Variants in SUSD3 observed in about 807,000 individuals in gnomAD.
SUSD3 encodes the protein sushi domain-containing protein 3.
A neutral mutation model predicts 20.6 loss-of-function variants in SUSD3; 18 were observed. The observed-to-expected ratio is 0.87, with a 90% confidence interval of 0.60 to 1.30. The LOEUF is 1.30. SUSD3 is among the 50% of genes most tolerant of loss of function. The pLI is 0.00. For synonymous variants in SUSD3, 137 were observed against 141.5 expected (o/e 0.97, Z 0.23); for missense variants, 306 against 346.9 (o/e 0.88, Z 0.94).
At chr9:93,084,420 C>T in intron 4 of SUSD3, 117 bp from the exon 5 acceptor site, 1 of 929,370 alleles carries the variant, frequency 1.1e-6, no homozygotes, top group Non-Finnish European at 1.6e-6. Flanking sequence ...CTCCCCAGTG[C>T]TCAGGGCAGC....
At chr9:93,072,696 C>G (rs1315491514) in intron 1 of SUSD3, among the ~76,000 whole-genome samples, 1 of 152,184 alleles carries the variant, frequency 6.6e-6, no homozygotes, top group East Asian at 1.9e-4. Flanking sequence ...CGTGACTGCT[C>G]CTGGGCAGAT....
chr9:93,084,480 T>G, intron 4 of SUSD3, 57 bp from the exon 5 acceptor site: 1 of 1,461,854 alleles, frequency 6.8e-7, no homozygotes. Context: ...AGGTATGGAG[T>G]TGGGGATTAA....
At chr9:93,073,709 G>A (rs984333077) in intron 1 of SUSD3, among the ~76,000 whole-genome samples, 1 of 152,182 alleles carries the variant, frequency 6.6e-6, no homozygotes, top group Non-Finnish European at 1.5e-5. Flanking sequence ...GAACCCCAGA[G>A]ACAACTCAGA....
intron 3 of SUSD3, 122 bp downstream of exon 3, chr9:93,078,115 A>G (rs771522626): frequency 5.7e-5 from 77 of 1,350,258 alleles, no homozygotes; most frequent in Non-Finnish European, 7.7e-5. Flanking sequence ...CGTTCCTACC[A>G]CTGCTGCTCT....
At chr9:93,061,168 C>T (rs1307683322) in intron 1 of SUSD3, among the ~76,000 whole-genome samples, 1 of 152,220 alleles carries the variant, frequency 6.6e-6, no homozygotes, top group African/African-American at 2.4e-5. Context: ...TGTAGGTAAC[C>T]CCCCTGGCAT....
At chr9:93,067,366 A>C (rs983827143) in intron 1 of SUSD3, among the ~76,000 whole-genome samples, 1 of 152,212 alleles carries the variant, frequency 6.6e-6, no homozygotes, top group Non-Finnish European at 1.5e-5. Context: ...GGCCATTACA[A>C]ATAATGCTGC....
chr9:93,075,648 A>G (rs73651356), intron 1 of SUSD3, 136 bp from the exon 2 acceptor site: 18,718 of 642,682 alleles, frequency 0.029, 491 homozygotes, highest in African/African-American at 0.099. Flanking sequence ...AGAGCATCCA[A>G]TGGCCTTTGG....
chr9:93,079,708 C>T (rs1826331548), intron 4 of SUSD3, 106 bp downstream of exon 4: 6 of 1,228,986 alleles, frequency 4.9e-6, no homozygotes, highest in Non-Finnish European at 6.8e-6. Flanking sequence ...GCTGCTCCCA[C>T]ACGCCTAGCC....
intron 3 of SUSD3, 145 bp from the exon 4 acceptor site, chr9:93,079,326 A>G (rs1826304751): frequency 1.2e-6 from 1 of 852,388 alleles, no homozygotes; most frequent in African/African-American, 1.7e-5. Flanking sequence ...CCACACCAAA[A>G]ACATCCACTG....
intron 1 of SUSD3, among the ~76,000 whole-genome samples, chr9:93,062,784 G>A (rs1453663216): frequency 2.0e-5 from 3 of 152,132 alleles, no homozygotes; most frequent in Admixed American, 6.5e-5. Flanking sequence ...AGAGACAAGG[G>A]TGATCCACCA....
At chr9:93,061,816 T>C (rs1825516138) in intron 1 of SUSD3, among the ~76,000 whole-genome samples, 1 of 152,202 alleles carries the variant, frequency 6.6e-6, no homozygotes, top group East Asian at 1.9e-4. Flanking sequence ...AGACCCAGAT[T>C]GAGGTCACAC....
At chr9:93,077,629 C>G (rs1258512881) in intron 2 of SUSD3, among the ~76,000 whole-genome samples, 1 of 152,144 alleles carries the variant, frequency 6.6e-6, no homozygotes, top group East Asian at 1.9e-4. Flanking sequence ...GGAGAGTCTT[C>G]TCTGATAGTC....
At chr9:93,072,047 G>A (rs1260987945) in intron 1 of SUSD3, among the ~76,000 whole-genome samples, 2 of 152,118 alleles carry the variant, frequency 1.3e-5, no homozygotes, top group Admixed American at 6.5e-5. Flanking sequence ...CTGTAAGGTA[G>A]GGGTAGACCA....
At chr9:93,075,291 TC>T in intron 1 of SUSD3, among the ~76,000 whole-genome samples, 1 of 152,300 alleles carries the variant, frequency 6.6e-6, no homozygotes, top group South Asian at 2.1e-4. Context: ...ACCTATGCTT[TC>T]CAAATATCCT....
At position 93,079,573 on chromosome 9, in the gene SUSD3, C is replaced by A. The variant is rs1197586038; in HGVS notation, c.528C>A (p.Ser176Arg). ...TCAACAAACCCGTGAGCGGGCCCAG[C>A]CAGGCGCACGACAACCACAGCTTCA... is the stretch of plus-strand genomic sequence containing the variant. ...KHFNKPVSGP[S>R]QAHDNHSFTT... Residue 176 changes from serine (S) to arginine (R), a missense_variant, in exon 4 of 5, where the codon AGC (serine) becomes AGA (arginine). By Grantham distance (110) the Ser-to-Arg change is moderately radical. Transcript: ENST00000375472. 6.2e-7 allele frequency: 1 copy of A among 1,613,812 alleles called. No individual in the cohort carries two copies. The highest frequency in any genetic ancestry group is 1.3e-5 in the African/African-American group (1 of 74,902).
chr9:93,064,976 G>A (rs895143472), intron 1 of SUSD3, among the ~76,000 whole-genome samples: 3 of 152,318 alleles, frequency 2.0e-5, no homozygotes, highest in East Asian at 1.9e-4. Context: ...ATGTCCCCGC[G>A]GTGACACACA....
At chr9:93,063,763 A>T (rs1825596527) in intron 1 of SUSD3, among the ~76,000 whole-genome samples, 1 of 152,058 alleles carries the variant, frequency 6.6e-6, no homozygotes, top group African/African-American at 2.4e-5. Context: ...AAGGAAAGCC[A>T]TTCCAGCAGT....
intron 1 of SUSD3, among the ~76,000 whole-genome samples, chr9:93,067,598 C>CT (rs200176712): frequency 3.0e-3 from 431 of 142,718 alleles, no homozygotes; most frequent in African/African-American, 3.9e-3. Context: ...TATTGTCTGT[C>CT]TTTTTTTTTT....
At chr9:93,068,951 A>C (rs532973613) in intron 1 of SUSD3, 185 of 539,978 alleles carry the variant, frequency 3.4e-4, no homozygotes, top group Non-Finnish European at 5.0e-4. Context: ...AATGATAACC[A>C]GTAATAAGTT....
Sources: allele counts gnomAD v4.1 joint callset (sites outside exome capture counted in the v4.1 genomes callset), GRCh38; gene constraint gnomAD v4.1.1; transcripts MANE v1.5; gene names NCBI Gene and HGNC (gene_info 2026-07-23, HGNC 2026-07-21).